Variants in SLC25A19 observed in about 807,000 individuals in gnomAD.
SLC25A19 encodes solute carrier family 25 member 19, also known as mitochondrial thiamine pyrophosphate carrier.
SLC25A19 carries 18 observed loss-of-function variants against 27.9 expected under a neutral mutation model. The ratio of observed to expected loss-of-function variants is 0.64; its 90% CI spans 0.45 to 0.96. SLC25A19 has a LOEUF of 0.96. Among genes scored for constraint, SLC25A19 ranks in the 40% least tolerant of loss-of-function variants. The probability of loss-of-function intolerance (pLI) is 0.00; values close to 1 mark genes in which losing one functional copy is unlikely to be tolerated. For synonymous variants in SLC25A19, 169 were observed against 167.1 expected (o/e 1.01, Z -0.09); for missense variants, 371 against 418.3 (o/e 0.89, Z 0.99).
At chr17:75,277,600 C>T in intron 6 of SLC25A19, 117 bp from the exon 7 acceptor site, 1 of 1,187,672 alleles carries the variant, frequency 8.4e-7, no homozygotes, top group Admixed American at 1.8e-5. Flanking sequence ...AAGCGCACTT[C>T]TATCTGACCT....
Position 75,283,631 on chromosome 17 carries a change from G to A in SLC25A19, c.289-38C>T, listed in dbSNP as rs749243954. On this transcript the variant is annotated intron_variant, in intron 4 of 7. Transcript: ENST00000416858. The stretch of plus-strand genomic sequence containing the variant: ...GTGAAGAAGTCACCGACAGCCCAAA[G>A]GATGAGGGTGAGGACCAAATACTCC... 15 of 1,598,384 alleles carry A rather than the reference G, an allele frequency of 9.4e-6. 1 individual carries two copies. In the South Asian group the frequency reaches 1.2e-4, roughly 13 times the overall value.
At chr17:75,287,382 T>C (rs2078208027) in intron 2 of SLC25A19, 1 of 154,958 alleles carries the variant, frequency 6.5e-6, no homozygotes, top group South Asian at 2.0e-4. Context: ...TGAGATTACA[T>C]GCATGAGCCA....
intron 4 of SLC25A19, among the ~76,000 whole-genome samples, chr17:75,283,887 G>A (rs763702540): frequency 1.3e-5 from 2 of 152,148 alleles, no homozygotes; most frequent in African/African-American, 4.8e-5. Context: ...GGGCCGAGGC[G>A]GGCAGATCAC....
rs551479985 is a variant in SLC25A19 at position 75,280,168 on chromosome 17, A to G, written c.460-1833T>C. Reference sequence around the variant, plus strand: ...GATCACTTGAGCCTAGGAGTTCGAGAACAGCCTGGGCAACATGGTGAATGA... The same window carrying G: ...GATCACTTGAGCCTAGGAGTTCGAGGACAGCCTGGGCAACATGGTGAATGA... On this transcript the variant is annotated intron_variant, in intron 5 of 7. Coordinates refer to ENST00000416858, the MANE Select transcript of SLC25A19 (RefSeq NM_001126121.2). 5.3e-4 allele frequency among the ~76,000 whole-genome samples: 81 copies of G among 152,188 alleles called. 2 individuals carry two copies. In the South Asian group the frequency reaches 0.012, roughly 22 times the overall value.
chr17:75,288,004 T>G (rs531208250), intron 2 of SLC25A19: 2 of 151,920 alleles, frequency 1.3e-5, no homozygotes, highest in East Asian at 3.9e-4. Context: ...ATTATCTGGG[T>G]GTCGTGGTGG....
rs776356552 is a variant in SLC25A19, at chr17:75,284,633, C to CATTTTTTTTTTTTTTTTTTTTTTTTTTTT, written c.289-1041_289-1040insAAAAAAAAAAAAAAAAAAAAAAAAAAAAT. Among the ~76,000 whole-genome samples, 4 of 112,292 alleles carry CATTTTTTTTTTTTTTTTTTTTTTTTTTTT rather than the reference C, an allele frequency of 3.6e-5. 2 individuals are homozygous for CATTTTTTTTTTTTTTTTTTTTTTTTTTTT. Among genetic ancestry groups the CATTTTTTTTTTTTTTTTTTTTTTTTTTTT allele is most frequent in the Non-Finnish European group, 3.6e-5 (2 of 55,872 alleles). 73.7% of individuals were successfully genotyped at this position (112,292 alleles called of 152,430 possible). A position where few individuals can be genotyped will look rare whatever the true frequency, so the allele number is the denominator to read the frequency against. ...GTGACCCCCTTACATTCAGATCTTT[C>CATTTTTTTTTTTTTTTTTTTTTTTTTTTT]TTTTTTTTTTTTTTTTTTTTTTTTT... On this transcript the variant is annotated intron_variant, in intron 4 of 7. Transcript: ENST00000416858.
At chr17:75,284,293 C>A (rs1248808169) in intron 4 of SLC25A19, among the ~76,000 whole-genome samples, 2 of 152,210 alleles carry the variant, frequency 1.3e-5, no homozygotes, top group African/African-American at 4.8e-5. Context: ...ACCCCAGCTA[C>A]TTGGGAGGCT....
At chr17:75,276,119 C>CA (rs1179207015) in intron 7 of SLC25A19, among the ~76,000 whole-genome samples, 1 of 151,124 alleles carries the variant, frequency 6.6e-6, no homozygotes, top group Non-Finnish European at 1.5e-5. Flanking sequence ...ACTAAAAATA[C>CA]AAAAAATTAG....
In SLC25A19 at chr17:75,286,348, G is replaced by A; in HGVS notation, c.244C>T (p.His82Tyr). 6.2e-7 allele frequency: 1 copy of A among 1,614,160 alleles called. No homozygotes were observed. The change falls in exon 4 of 8, where the codon CAC becomes TAC. Residue 82 changes from histidine (H) to tyrosine (Y), a missense_variant. Coordinates refer to ENST00000416858, the MANE Select transcript of SLC25A19 (RefSeq NM_001126121.2). ...EEGPTAFWKG[H>Y]VPAQILSIGY... ...ATGGAGAGAATCTGAGCTGGGACGT[G>A]TCCTTTCCAGAAAGCTGTCGGACCC...
rs769820033 is a variant in SLC25A19, at chr17:75,286,506, T to C, written c.133-47A>G. The C allele has an allele frequency of 2.5e-6, 4 of 1,613,280 alleles. No individual in the cohort carries two copies. The Middle Eastern group carries it at 4.9e-4, about 200-fold the overall frequency. ...GTCAGGACAGTGGGGTGGGCTGGAA[T>C]GTGAAGGGGAACTTTCAGAAAAGGC... is the stretch of plus-strand genomic sequence containing the variant. On this transcript the variant is annotated intron_variant, in intron 3 of 7. Coordinates refer to ENST00000416858, the MANE Select transcript of SLC25A19 (RefSeq NM_001126121.2).
In SLC25A19 at chr17:75,276,768, G is replaced by C. The variant is rs367896593; in HGVS notation, c.774+585C>G. ...CAGCTCACTGCAAACTCCACCTCCC[G>C]GGTTCACACCATTCTCCTGCCTCAG... On this transcript the variant is annotated intron_variant, in intron 7 of 7. Transcript: ENST00000416858. Among the ~76,000 whole-genome samples the C allele has an allele frequency of 1.2e-3, 159 of 134,814 alleles. 2 individuals are homozygous for C. Among genetic ancestry groups the C allele is most frequent in the African/African-American group, 3.9e-3 (156 of 39,522 alleles). The allele number at this position is 134,814 out of a possible 152,430, so 88.4% of individuals were successfully genotyped here.
In SLC25A19 at chr17:75,283,458, G is replaced by C. The variant is rs759714012; in HGVS notation, c.424C>G (p.Leu142Val). Residue 142 changes from leucine (L) to valine (V), a missense_variant, in exon 5 of 8, where the codon CTG becomes GTG. Transcript: ENST00000416858. ...CCCTGAGCTGCAAAGCGGGTGCGCA[G>C]AACATCCACGGGGTGCACAGTGAGG... ...ATLTVHPVDVLRTRFAAQGEP... is the reference protein window; with the variant it reads ...ATLTVHPVDVVRTRFAAQGEP... The C allele has an allele frequency of 6.2e-7, 1 of 1,612,684 alleles. No individual in the cohort carries two copies. Among genetic ancestry groups the C allele is most frequent in the Non-Finnish European group, 8.5e-7 (1 of 1,179,812 alleles).
chr17:75,282,378 T>C (rs2078060092), intron 5 of SLC25A19, among the ~76,000 whole-genome samples: 1 of 151,812 alleles, frequency 6.6e-6, no homozygotes, highest in African/African-American at 2.4e-5. Flanking sequence ...GGCGAAACTC[T>C]GTCTCTACTA....
In SLC25A19 at chr17:75,277,129, G is replaced by A. The variant is rs77339707; in HGVS notation, c.774+224C>T. Among the ~76,000 whole-genome samples the A allele has an allele frequency of 1.8e-4, 28 of 151,866 alleles. No individual in the cohort carries two copies. In the South Asian group the frequency reaches 5.0e-3, roughly 27 times the overall value. On this transcript the variant is annotated intron_variant, in intron 7 of 7. Transcript: ENST00000416858. Reference sequence around the variant, plus strand: ...CCTCTATTTTAAAGAAAAAAAAAAAGAGCAGACACTGTATGTCCTTGGCCC... The same window carrying A: ...CCTCTATTTTAAAGAAAAAAAAAAAAAGCAGACACTGTATGTCCTTGGCCC...
intron 5 of SLC25A19, among the ~76,000 whole-genome samples, chr17:75,280,619 C>T (rs1234230140): frequency 6.6e-6 from 1 of 152,048 alleles, no homozygotes; most frequent in Non-Finnish European, 1.5e-5. Context: ...TCAAGACCAG[C>T]CTGGCCAACA....
intron 5 of SLC25A19, among the ~76,000 whole-genome samples, chr17:75,281,454 T>C (rs1201931652): frequency 1.3e-5 from 2 of 152,118 alleles, no homozygotes; most frequent in African/African-American, 4.8e-5. Flanking sequence ...CCCAGCACTT[T>C]GGGAGACAGA....
intron 5 of SLC25A19, among the ~76,000 whole-genome samples, chr17:75,281,922 G>C (rs2078047721): frequency 6.6e-6 from 1 of 152,158 alleles, no homozygotes; most frequent in Admixed American, 6.6e-5. Context: ...CAAACTGACT[G>C]CCAGACAAAC....
At chr17:75,283,075 G>A (rs1359416747) in intron 5 of SLC25A19, among the ~76,000 whole-genome samples, 10 of 150,738 alleles carry the variant, frequency 6.6e-5, no homozygotes, top group Admixed American at 4.0e-4. Flanking sequence ...CGAGGCGGGC[G>A]GATCGTGAGG....
At position 75,279,795 on chromosome 17, in the gene SLC25A19, T is replaced by C. The variant is rs562671050; in HGVS notation, c.460-1460A>G. ...GTGCTGGGATTACAGGCGAGAGCCA[T>C]CGCGCCCAGCCCAATTCTTTGTTTT... On this transcript the variant is annotated intron_variant, in intron 5 of 7. Coordinates refer to ENST00000416858, the MANE Select transcript of SLC25A19 (RefSeq NM_001126121.2). Among the ~76,000 whole-genome samples the C allele has an allele frequency of 1.1e-3, 166 of 152,264 alleles. 1 individual carries two copies. The South Asian group carries it at 0.013, about 12-fold the overall frequency.
Sources: allele counts gnomAD v4.1 joint callset (sites outside exome capture counted in the v4.1 genomes callset), GRCh38; gene constraint gnomAD v4.1.1; transcripts MANE v1.5; gene names NCBI Gene and HGNC (gene_info 2026-07-23, HGNC 2026-07-21).